The following COL22A1 variants were observed in gnomAD, a reference collection of about 807,000 sequenced individuals.
COL22A1 encodes the protein collagen alpha-1(XXII) chain.
COL22A1 carries 221 observed loss-of-function variants against 248.9 expected under a neutral mutation model. The observed-to-expected ratio is 0.89, with a 90% CI of 0.80 to 0.99. The LOEUF is 0.99. Ranked by LOEUF, COL22A1 falls within the 50% of genes least tolerant of loss-of-function variation. The pLI, the probability that COL22A1 is intolerant of heterozygous loss-of-function variation, is 0.00. For missense variants in COL22A1, 2,240 were observed against 2,179.0 expected (o/e 1.03, Z -0.56); for synonymous variants, 891 against 793.4 (o/e 1.12, Z -2.07).
At chr8:138,642,367 C>G (rs917190310) in intron 47 of COL22A1, among the ~76,000 whole-genome samples, 1 of 152,188 alleles carries the variant, frequency 6.6e-6, no homozygotes, top group Non-Finnish European at 1.5e-5. Context: ...GAAATAGTAA[C>G]CTGCTCCTTG....
At chr8:138,895,633 C>G (rs1041211565) in intron 1 of COL22A1, among the ~76,000 whole-genome samples, 3 of 151,964 alleles carry the variant, frequency 2.0e-5, no homozygotes, top group African/African-American at 7.3e-5. Flanking sequence ...AGCAAGAAAA[C>G]AGACTGGAAA....
chr8:138,616,069 G>T lies in COL22A1; in HGVS notation c.3871-15C>A. 1.2e-6 allele frequency: 2 copies of T among 1,608,468 alleles called. No individual in the cohort carries two copies. Among genetic ancestry groups the T allele is most frequent in the South Asian group, 1.1e-5 (1 of 90,964 alleles). ...CCAGACTCTCCCTAGGAACAAAAAAGCCTGCTATTAGGGAAGGAGATGCTT... is the reference window on the plus strand; with the variant it reads ...CCAGACTCTCCCTAGGAACAAAAAATCCTGCTATTAGGGAAGGAGATGCTT... On this transcript the variant is annotated splice_polypyrimidine_tract_variant and intron_variant, in intron 54 of 64. Transcript: ENST00000303045.
chr8:138,855,943 C>A (rs1344605797), intron 3 of COL22A1, among the ~76,000 whole-genome samples: 1 of 152,182 alleles, frequency 6.6e-6, no homozygotes, highest in Non-Finnish European at 1.5e-5. Flanking sequence ...GCCTTTGGAG[C>A]CATGCACAGC....
intron 3 of COL22A1, among the ~76,000 whole-genome samples, chr8:138,844,851 G>A (rs149282812): frequency 2.0e-5 from 3 of 151,756 alleles, no homozygotes; most frequent in Admixed American, 2.0e-4. Flanking sequence ...TCGGGAGGCT[G>A]AGGCAGGAGA....
At chr8:138,681,212 A>G (rs972436240) in intron 39 of COL22A1, among the ~76,000 whole-genome samples, 1 of 152,192 alleles carries the variant, frequency 6.6e-6, no homozygotes, top group African/African-American at 2.4e-5. Context: ...ATGAATATTT[A>G]CTGAGCAGGT....
intron 16 of COL22A1, among the ~76,000 whole-genome samples, chr8:138,773,487 A>T (rs1316978408): frequency 6.6e-6 from 1 of 152,152 alleles, no homozygotes; most frequent in Non-Finnish European, 1.5e-5. Flanking sequence ...CTTACAGGGG[A>T]TCTGGCCGTA....
intron 6 of COL22A1, among the ~76,000 whole-genome samples, chr8:138,826,315 A>T (rs112451671): frequency 6.6e-6 from 1 of 152,214 alleles, no homozygotes; most frequent in Admixed American, 6.5e-5. Context: ...CCTCCACTGC[A>T]TCACGAAGCT....
At chr8:138,716,020 G>A (rs1829403324) in intron 29 of COL22A1, among the ~76,000 whole-genome samples, 1 of 152,094 alleles carries the variant, frequency 6.6e-6, no homozygotes, top group African/African-American at 2.4e-5. Flanking sequence ...CCTTTCCAGA[G>A]ACATCTCCCA....
chr8:138,659,306 C>A (rs967044348), intron 44 of COL22A1, among the ~76,000 whole-genome samples: 1 of 152,120 alleles, frequency 6.6e-6, no homozygotes, highest in South Asian at 2.1e-4. Context: ...CTGCTGTGCC[C>A]GCCAACTGAG....
chr8:138,844,207 C>A (rs112765773), intron 3 of COL22A1, 49 bp from the exon 4 acceptor site: 17 of 1,555,252 alleles, frequency 1.1e-5, no homozygotes, highest in East Asian at 4.5e-5. Context: ...TGTGACCCAT[C>A]GTCACCCTGT....
intron 25 of COL22A1, among the ~76,000 whole-genome samples, chr8:138,723,127 TC>T (rs995147419): frequency 9.7e-4 from 148 of 152,218 alleles, no homozygotes; most frequent in African/African-American, 3.3e-3. Flanking sequence ...GGAAATCATT[TC>T]CCCCAGCGGA....
At chr8:138,856,570 C>CAG in intron 3 of COL22A1, among the ~76,000 whole-genome samples, 1 of 140,278 alleles carries the variant, frequency 7.1e-6, no homozygotes, top group East Asian at 2.1e-4. Context: ...GAGAGAGGGA[C>CAG]AGAGAGAGAG....
chr8:138,630,410 G>A (rs1820606040), intron 50 of COL22A1, among the ~76,000 whole-genome samples: 1 of 152,192 alleles, frequency 6.6e-6, no homozygotes, highest in Non-Finnish European at 1.5e-5. Flanking sequence ...GAGATATGGG[G>A]CCTAAATGTA....
At chr8:138,888,899 G>GATGA (rs1275519528) in intron 1 of COL22A1, among the ~76,000 whole-genome samples, 1 of 152,170 alleles carries the variant, frequency 6.6e-6, no homozygotes, top group Admixed American at 6.5e-5. Flanking sequence ...GCATTAGATT[G>GATGA]ATGAATGAAT....
At chr8:138,722,325 C>T (rs1414113787) in intron 25 of COL22A1, 7 of 546,518 alleles carry the variant, frequency 1.3e-5, no homozygotes, top group Admixed American at 3.6e-5. Flanking sequence ...ATTTTCAGTA[C>T]ACTGGCCATG....
intron 47 of COL22A1, among the ~76,000 whole-genome samples, 176 bp downstream of exon 47, chr8:138,646,453 T>C (rs1437933512): frequency 6.6e-6 from 1 of 152,154 alleles, no homozygotes; most frequent in African/African-American, 2.4e-5. Context: ...ATTCCACACA[T>C]TGAAGTGACC....
chr8:138,608,698 C>A (rs779078285), intron 56 of COL22A1, among the ~76,000 whole-genome samples: 1 of 152,216 alleles, frequency 6.6e-6, no homozygotes, highest in Non-Finnish European at 1.5e-5. Context: ...CTTGGCTACT[C>A]CCTTTCAGGA....
intron 58 of COL22A1, 58 bp downstream of exon 58, chr8:138,606,323 T>G (rs1288120094): frequency 4.0e-5 from 58 of 1,455,948 alleles, no homozygotes; most frequent in Non-Finnish European, 5.4e-5. Flanking sequence ...AGGTACTGCA[T>G]GTGAACATCA....
intron 46 of COL22A1, among the ~76,000 whole-genome samples, chr8:138,647,067 C>A (rs181786211): frequency 5.3e-5 from 8 of 152,300 alleles, no homozygotes; most frequent in Admixed American, 3.3e-4. Context: ...ATGGCTCACT[C>A]CCACCTTGGC....
Sources: allele counts gnomAD v4.1 joint callset (sites outside exome capture counted in the v4.1 genomes callset), GRCh38; gene constraint gnomAD v4.1.1; transcripts MANE v1.5; gene names NCBI Gene and HGNC (gene_info 2026-07-23, HGNC 2026-07-21).